The following ANKRD30BL variants were observed in gnomAD, a reference collection of about 807,000 sequenced individuals.
ANKRD30BL encodes the protein ankyrin repeat domain 30B like.
A neutral mutation model predicts 18.4 loss-of-function variants in ANKRD30BL; 20 were observed. That is an observed-to-expected ratio of 1.09 (90% CI 0.77 to 1.58). The LOEUF (loss-of-function observed/expected upper bound fraction) is 1.58. ANKRD30BL is among the 40% of genes most tolerant of loss of function. ANKRD30BL has a pLI of 0.00. For synonymous variants in ANKRD30BL, 72 were observed against 100.9 expected, an observed-to-expected ratio of 0.71 and a Z score of 1.72; for missense variants, 224 against 268.6, an observed-to-expected ratio of 0.83 and a Z score of 1.16.
In ANKRD30BL at chr2:132,231,545, G is replaced by C. The variant is rs569727376; in HGVS notation, n.441+25984C>G. ...CACTTGGGAAGCACAAGGGGTCAGGGAGTTCCCTTTCCGAGTCAAAGAAAG... is the reference window on the plus strand; with the variant it reads ...CACTTGGGAAGCACAAGGGGTCAGGCAGTTCCCTTTCCGAGTCAAAGAAAG... On this transcript the variant is annotated intron_variant and non_coding_transcript_variant, in intron 1 of 4. Transcript: ENST00000470729. Among the ~76,000 whole-genome samples the C allele has an allele frequency of 2.6e-5, 4 of 152,336 alleles. No homozygotes were observed. The East Asian group carries it at 7.7e-4, about 29-fold the overall frequency.
chr2:132,202,229 C>T (rs1014117320), intron 1 of ANKRD30BL, among the ~76,000 whole-genome samples: 2 of 151,968 alleles, frequency 1.3e-5, no homozygotes, highest in African/African-American at 4.8e-5. Context: ...CAGCATGGCA[C>T]ATGTATACAT....
chr2:132,204,311 A>C (rs1205777875), intron 1 of ANKRD30BL, among the ~76,000 whole-genome samples: 1 of 151,850 alleles, frequency 6.6e-6, no homozygotes, highest in Non-Finnish European at 1.5e-5. Context: ...GTCTCTCAAT[A>C]TCAGTGATTT....
At chr2:132,153,495 A>G (rs1159672359) in intron 4 of ANKRD30BL, 13 of 469,324 alleles carry the variant, frequency 2.8e-5, no homozygotes, top group Non-Finnish European at 4.4e-5. Flanking sequence ...ACTCACTGTC[A>G]TTCAAAAACT....
At chr2:132,236,422 T>C (rs1680153231) in intron 1 of ANKRD30BL, among the ~76,000 whole-genome samples, 1 of 151,710 alleles carries the variant, frequency 6.6e-6, no homozygotes, top group Admixed American at 6.6e-5. Context: ...TCAAACAAAT[T>C]TACAAGAAAA....
chr2:132,231,465 C>T (rs1331874947), intron 1 of ANKRD30BL, among the ~76,000 whole-genome samples: 1 of 152,204 alleles, frequency 6.6e-6, no homozygotes. Flanking sequence ...ACAGTGGGCG[C>T]AGGTCAGTGG....
chr2:132,184,238 A>T (rs7370661), intron 1 of ANKRD30BL, among the ~76,000 whole-genome samples: 1 of 152,156 alleles, frequency 6.6e-6, no homozygotes, highest in African/African-American at 2.4e-5. Context: ...ATGCCTGGCT[A>T]ATTTTTTTGT....
At chr2:132,173,464 T>C (rs1329578008) in intron 1 of ANKRD30BL, among the ~76,000 whole-genome samples, 3 of 151,954 alleles carry the variant, frequency 2.0e-5, no homozygotes, top group Admixed American at 2.0e-4. Flanking sequence ...CGGCTAATTT[T>C]GGTTTTGTAC....
intron 5 of ANKRD30BL, 151 bp downstream of exon 5, chr2:132,150,761 A>G (rs1307464482): frequency 6.5e-6 from 2 of 309,612 alleles, no homozygotes; most frequent in African/African-American, 4.3e-5. Context: ...TAAAAAATTA[A>G]ATCAAAGCTT....
chr2:132,172,364 C>T (rs1688297393), intron 1 of ANKRD30BL, among the ~76,000 whole-genome samples: 1 of 152,186 alleles, frequency 6.6e-6, no homozygotes, highest in Non-Finnish European at 1.5e-5. Context: ...CCCATTGACT[C>T]TAAATCCTCA....
chr2:132,192,677 T>G (rs1243909732), intron 1 of ANKRD30BL, among the ~76,000 whole-genome samples: 1 of 152,250 alleles, frequency 6.6e-6, no homozygotes, highest in Non-Finnish European at 1.5e-5. Flanking sequence ...CCACCATGTT[T>G]GCACCAGCAA....
chr2:132,245,336 G>T (rs1357852795), intron 1 of ANKRD30BL, among the ~76,000 whole-genome samples: 1 of 150,732 alleles, frequency 6.6e-6, no homozygotes, highest in African/African-American at 2.4e-5. Flanking sequence ...TCATCTCCTA[G>T]AGTTGAACAT....
chr2:132,215,636 G>T (rs1679478176), intron 1 of ANKRD30BL, among the ~76,000 whole-genome samples: 2 of 151,914 alleles, frequency 1.3e-5, no homozygotes, highest in African/African-American at 4.8e-5. Flanking sequence ...CTCTCCTTTT[G>T]TAGCATCTGC....
intron 1 of ANKRD30BL, among the ~76,000 whole-genome samples, chr2:132,176,746 G>C (rs1207593309): frequency 6.6e-5 from 10 of 152,150 alleles, no homozygotes; most frequent in African/African-American, 2.2e-4. Flanking sequence ...AGTCAAGATG[G>C]CACCACTGCA....
Position 132,241,068 on chromosome 2 carries a change from G to A in ANKRD30BL, n.441+16461C>T, listed in dbSNP as rs190510482. Among the ~76,000 whole-genome samples, 45 of 133,198 alleles carry A rather than the reference G, an allele frequency of 3.4e-4. 1 individual carries two copies. Among genetic ancestry groups the A allele is most frequent in the African/African-American group, 1.1e-3 (38 of 35,730 alleles). 87.4% of individuals were successfully genotyped at this position (133,198 alleles called of 152,430 possible). ...TTTGTGATGCTTTCATTCAACTCACGGAGCTGAACATTCCTTTTCATAGAG... is the reference window on the plus strand; with the variant it reads ...TTTGTGATGCTTTCATTCAACTCACAGAGCTGAACATTCCTTTTCATAGAG... On this transcript the variant is annotated intron_variant and non_coding_transcript_variant, in intron 1 of 4. Transcript: ENST00000470729.
chr2:132,250,917 TC>T, intron 1 of ANKRD30BL, among the ~76,000 whole-genome samples: 1 of 152,144 alleles, frequency 6.6e-6, no homozygotes, highest in African/African-American at 2.4e-5. Flanking sequence ...TTTTTGGGGG[TC>T]CAGTACAAAG....
chr2:132,180,812 A>C (rs1220568567), intron 1 of ANKRD30BL, among the ~76,000 whole-genome samples: 1 of 152,182 alleles, frequency 6.6e-6, no homozygotes, highest in Non-Finnish European at 1.5e-5. Context: ...AAATTCAAAA[A>C]TCTTTAACAT....
chr2:132,166,599 G>C (rs13417019), upstream of ANKRD30BL, among the ~76,000 whole-genome samples: 25,639 of 151,764 alleles, frequency 0.17, 2,511 homozygotes, highest in Middle Eastern at 0.24. Flanking sequence ...TTTTAATATA[G>C]TAAATATATT....
chr2:132,207,702 C>T (rs1195441706), intron 1 of ANKRD30BL, among the ~76,000 whole-genome samples: 1 of 152,068 alleles, frequency 6.6e-6, no homozygotes, highest in Non-Finnish European at 1.5e-5. Context: ...CTTTTTCCTC[C>T]TCAGGAATCC....
rs763721730 is a variant in ANKRD30BL, at chr2:132,157,107, T to C, written c.373A>G (p.Ile125Val). The C allele has an allele frequency of 1.1e-5, 16 of 1,446,658 alleles. No individual in the cohort carries two copies. The highest frequency in any genetic ancestry group is 2.5e-5 in the South Asian group (2 of 78,550). 89.6% of individuals were successfully genotyped at this position (1,446,658 alleles called of 1,614,324 possible). A position where few individuals can be genotyped will look rare whatever the true frequency, so the allele number is the denominator to read the frequency against. Residue 125 changes from isoleucine (I) to valine (V), a missense_variant, in exon 3 of 6, where the codon ATA becomes GTA. Physicochemically the swap from Ile to Val is conservative, Grantham distance 29. This residue lies in a region of ANKRD30BL where 30 missense variants were observed against 77.5 expected (regional missense o/e 0.39). Coordinates refer to ENST00000409867, the MANE Select transcript of ANKRD30BL (RefSeq NM_001358416.1). ...CQREACANILIDSGADPNIVD... is the reference protein window; with the variant it reads ...CQREACANILVDSGADPNIVD... ...ATATTTGGATCAGCACCAGAATCTA[T>C]GAGAATATTTGCACAAGCCTCCCTC...
Sources: allele counts gnomAD v4.1 joint callset (sites outside exome capture counted in the v4.1 genomes callset), GRCh38; gene constraint gnomAD v4.1.1; regional missense constraint gnomAD v4.1.1; transcripts MANE v1.5; gene names NCBI Gene and HGNC (gene_info 2026-07-23, HGNC 2026-07-21).